MECOM: variants seen among roughly 807,000 people sequenced by gnomAD.
The protein encoded by MECOM is MDS1 and EVI1 complex locus.
In MECOM, 13 loss-of-function variants were observed where a neutral mutation model predicts 116.3. That is an observed-to-expected ratio of 0.11 (90% CI 0.07 to 0.18). The LOEUF (loss-of-function observed/expected upper bound fraction) is 0.18, where lower values mean the gene tolerates loss of function less well. Among genes scored for constraint, MECOM ranks in the 10% least tolerant of loss-of-function variants. The pLI is 1.00. For missense variants in MECOM, 1,299 were observed against 1,509.0 expected (o/e 0.86, Z 2.31); for synonymous variants, 528 against 535.2 (o/e 0.99, Z 0.19).
At position 169,163,170 on chromosome 3, in the gene MECOM, G is replaced by A. The variant is rs1328554802; in HGVS notation, c.376-19338C>T. Among the ~76,000 whole-genome samples the A allele has an allele frequency of 2.6e-5, 4 of 152,030 alleles. No individual in the cohort carries two copies. The East Asian group carries it at 7.7e-4, about 29-fold the overall frequency. ...GATTTAACTTCTTTGTAAGTAATTT[G>A]GCTAAGATTGGATATGTAGGCAAAA... is the stretch of plus-strand genomic sequence containing the variant. On this transcript the variant is annotated intron_variant, in intron 2 of 16. Coordinates refer to ENST00000651503, the MANE Select transcript of MECOM (RefSeq NM_004991.4).
chr3:169,427,268 A>C (rs1025792387), intron 1 of MECOM, among the ~76,000 whole-genome samples: 1 of 149,668 alleles, frequency 6.7e-6, no homozygotes, highest in African/African-American at 2.5e-5. Context: ...TGTATTCTTT[A>C]TCAAGTGCTG....
At chr3:169,508,957 T>A (rs1333724360) in intron 1 of MECOM, among the ~76,000 whole-genome samples, 1 of 152,222 alleles carries the variant, frequency 6.6e-6, no homozygotes, top group Non-Finnish European at 1.5e-5. Context: ...TCATGAAATA[T>A]CAAGTTCTGG....
intron 1 of MECOM, among the ~76,000 whole-genome samples, chr3:169,413,108 G>C (rs1374794548): frequency 6.6e-6 from 1 of 152,242 alleles, no homozygotes; most frequent in Non-Finnish European, 1.5e-5. Context: ...CTCCCAGTGA[G>C]ACCAATGCAG....
intron 2 of MECOM, among the ~76,000 whole-genome samples, chr3:169,245,632 G>A (rs1404615869): frequency 6.6e-6 from 1 of 152,126 alleles, no homozygotes; most frequent in East Asian, 1.9e-4. Flanking sequence ...GAACAAAACT[G>A]AGAGGTCTTA....
At chr3:169,319,811 T>C (rs1720535919) in intron 2 of MECOM, among the ~76,000 whole-genome samples, 1 of 152,200 alleles carries the variant, frequency 6.6e-6, no homozygotes, top group Non-Finnish European at 1.5e-5. Flanking sequence ...CTAAATGAGA[T>C]AAGGTATAAC....
chr3:169,500,493 A>C lies in MECOM; in HGVS notation c.38-118969T>G, dbSNP rs890572128. 2.6e-5 allele frequency among the ~76,000 whole-genome samples: 4 copies of C among 152,056 alleles called. No individual in the cohort carries two copies. In the South Asian group the frequency reaches 6.2e-4, roughly 24 times the overall value. On this transcript the variant is annotated intron_variant, in intron 1 of 16. Coordinates refer to ENST00000651503, the MANE Select transcript of MECOM (RefSeq NM_004991.4). ...ACCAAATTTAACATTAGAATTTTGA[A>C]TACTGCAAAATAATAATGGTACTTG...
At chr3:169,205,207 TA>T (rs1353034294) in intron 2 of MECOM, among the ~76,000 whole-genome samples, 1 of 152,170 alleles carries the variant, frequency 6.6e-6, no homozygotes, top group African/African-American at 2.4e-5. Flanking sequence ...AAGTGAGTTA[TA>T]AACCCCTCAA....
At chr3:169,213,307 G>T (rs1376851429) in intron 2 of MECOM, among the ~76,000 whole-genome samples, 1 of 151,910 alleles carries the variant, frequency 6.6e-6, no homozygotes, top group Non-Finnish European at 1.5e-5. Context: ...GTTAGGTTTG[G>T]CTCCAAACTG....
At chr3:169,184,513 A>T (rs532843500) in intron 2 of MECOM, among the ~76,000 whole-genome samples, 2 of 131,430 alleles carry the variant, frequency 1.5e-5, no homozygotes, top group South Asian at 4.9e-4. Flanking sequence ...TTTAGTGCAG[A>T]ATACATTTTT....
chr3:169,149,935 C>CTGTGTGTGTG (rs58944452), intron 2 of MECOM, among the ~76,000 whole-genome samples: 6 of 131,234 alleles, frequency 4.6e-5, no homozygotes, highest in South Asian at 2.7e-4. Flanking sequence ...TTCTCTCTCT[C>CTGTGTGTGTG]TGTGTGTGTG....
At chr3:169,302,543 A>G (rs1044881849) in intron 2 of MECOM, among the ~76,000 whole-genome samples, 6 of 152,202 alleles carry the variant, frequency 3.9e-5, no homozygotes, top group African/African-American at 1.2e-4. Context: ...TGAACCAGGG[A>G]AAAACTATGA....
intron 5 of MECOM, among the ~76,000 whole-genome samples, chr3:169,126,327 A>G (rs1732829817): frequency 6.6e-6 from 1 of 152,114 alleles, no homozygotes; most frequent in African/African-American, 2.4e-5. Context: ...TTTGCTTTAT[A>G]ATGCCGTTCA....
At chr3:169,437,196 CAT>C (rs1257499518) in intron 1 of MECOM, among the ~76,000 whole-genome samples, 4 of 152,178 alleles carry the variant, frequency 2.6e-5, no homozygotes, top group African/African-American at 9.7e-5. Flanking sequence ...TCTCCACTGT[CAT>C]AAATCTAATT....
intron 1 of MECOM, among the ~76,000 whole-genome samples, chr3:169,394,870 T>G (rs555932370): frequency 5.9e-5 from 9 of 152,308 alleles, no homozygotes; most frequent in Admixed American, 2.0e-4. Flanking sequence ...CTCGACACCA[T>G]TTCAAAGAGT....
intron 2 of MECOM, among the ~76,000 whole-genome samples, chr3:169,228,466 G>C (rs1174573061): frequency 6.6e-6 from 1 of 152,134 alleles, no homozygotes; most frequent in Non-Finnish European, 1.5e-5. Context: ...GCAAAAACCA[G>C]TTTTTCACGG....
At chr3:169,192,728 C>T (rs994767612) in intron 2 of MECOM, among the ~76,000 whole-genome samples, 1 of 152,006 alleles carries the variant, frequency 6.6e-6, no homozygotes, top group African/African-American at 2.4e-5. Context: ...CATACTTTTA[C>T]AGACAGTGTG....
At chr3:169,209,751 T>C (rs1378691570) in intron 2 of MECOM, among the ~76,000 whole-genome samples, 1 of 152,172 alleles carries the variant, frequency 6.6e-6, no homozygotes, top group African/African-American at 2.4e-5. Flanking sequence ...TTTACACTGT[T>C]GGTGGGAATG....
chr3:169,156,020 A>C (rs1386454847), intron 2 of MECOM, among the ~76,000 whole-genome samples: 1 of 152,216 alleles, frequency 6.6e-6, no homozygotes, highest in Non-Finnish European at 1.5e-5. Flanking sequence ...TTCTGTGATC[A>C]GCCAATCTAC....
At chr3:169,257,083 G>A (rs983275472) in intron 2 of MECOM, among the ~76,000 whole-genome samples, 16 of 152,082 alleles carry the variant, frequency 1.1e-4, no homozygotes, top group African/African-American at 3.1e-4. Flanking sequence ...TTGGTTTTTC[G>A]AAAATACTGT....
Sources: allele counts gnomAD v4.1 joint callset (sites outside exome capture counted in the v4.1 genomes callset), GRCh38; gene constraint gnomAD v4.1.1; transcripts MANE v1.5; gene names NCBI Gene and HGNC (gene_info 2026-07-23, HGNC 2026-07-21).